TMC1: variants seen among roughly 807,000 people sequenced by gnomAD.
TMC1 encodes the protein transmembrane channel like 1, also known as transmembrane channel-like protein 1.
In TMC1, 84 loss-of-function variants were observed where a neutral mutation model predicts 105.8. The observed-to-expected ratio is 0.79, with a 90% confidence interval of 0.67 to 0.95. TMC1 has a LOEUF of 0.95. TMC1 is among the 40% of genes least tolerant of loss of function. TMC1 has a pLI of 0.00. For synonymous variants in TMC1, 315 were observed against 311.5 expected (o/e 1.01, Z -0.12); for missense variants, 817 against 914.1 (o/e 0.89, Z 1.37).
intron 9 of TMC1, chr9:72,741,696 CTAT>C (rs1293150134): frequency 6.5e-6 from 1 of 153,088 alleles, no homozygotes; most frequent in Non-Finnish European, 1.5e-5. Flanking sequence ...TTGTCTCATG[CTAT>C]TATTTAGACA....
At chr9:72,557,232 G>A (rs1342612260) in intron 1 of TMC1, among the ~76,000 whole-genome samples, 2 of 151,984 alleles carry the variant, frequency 1.3e-5, no homozygotes, top group African/African-American at 4.8e-5. Flanking sequence ...ATAGCCGGGC[G>A]TGGTGGCCCA....
intron 5 of TMC1, among the ~76,000 whole-genome samples, chr9:72,664,500 A>G (rs1029119864): frequency 1.3e-5 from 2 of 152,308 alleles, no homozygotes; most frequent in Admixed American, 1.3e-4. Flanking sequence ...TCCTGTATCC[A>G]TATAAACCCC....
At chr9:72,826,773 A>G (rs1207789366) in intron 20 of TMC1, 96 bp from the exon 21 acceptor site, 1 of 1,323,480 alleles carries the variant, frequency 7.6e-7, no homozygotes, top group Admixed American at 1.7e-5. Context: ...AGAGGACCTA[A>G]GCAGTAATTG....
At chr9:72,806,133 G>A (rs796997792) in intron 18 of TMC1, among the ~76,000 whole-genome samples, 76 of 151,256 alleles carry the variant, frequency 5.0e-4, no homozygotes, top group African/African-American at 1.5e-3. Context: ...GGGCAGAGGC[G>A]CCCCTCACCT....
intron 8 of TMC1, among the ~76,000 whole-genome samples, chr9:72,723,300 T>C (rs1564514476): frequency 6.6e-6 from 1 of 152,192 alleles, no homozygotes; most frequent in Non-Finnish European, 1.5e-5. Context: ...CATCTTCTCC[T>C]CTTCTGCTCA....
chr9:72,651,516 G>A (rs576232491), intron 5 of TMC1: 1 of 152,248 alleles, frequency 6.6e-6, no homozygotes, highest in African/African-American at 2.4e-5. Context: ...GCAAGTGGTT[G>A]GTTGGGGCTG....
At chr9:72,591,120 G>A (rs946682331) in intron 2 of TMC1, among the ~76,000 whole-genome samples, 3 of 152,154 alleles carry the variant, frequency 2.0e-5, no homozygotes, top group South Asian at 4.1e-4. Context: ...GGAGGGGTGC[G>A]TGGCTTTAAA....
chr9:72,733,982 A>T (rs764390552), intron 8 of TMC1, among the ~76,000 whole-genome samples: 3 of 152,148 alleles, frequency 2.0e-5, no homozygotes, highest in Non-Finnish European at 2.9e-5. Flanking sequence ...AAGTAGAATA[A>T]GGGTTACTGG....
At chr9:72,711,144 C>T (rs3003504) in intron 8 of TMC1, among the ~76,000 whole-genome samples, 34,651 of 152,108 alleles carry the variant, frequency 0.23, 4,275 homozygotes, top group East Asian at 0.38. Context: ...ATATGTGCCA[C>T]ATTTTCTTTA....
At chr9:72,556,991 C>T (rs1823952700) in intron 1 of TMC1, among the ~76,000 whole-genome samples, 1 of 152,166 alleles carries the variant, frequency 6.6e-6, no homozygotes. Context: ...TGCTGCTGAA[C>T]ATCCTGCAGT....
intron 1 of TMC1, among the ~76,000 whole-genome samples, chr9:72,548,447 G>T (rs536340251): frequency 6.6e-6 from 1 of 151,968 alleles, no homozygotes; most frequent in South Asian, 2.1e-4. Flanking sequence ...TCAGGCGCAC[G>T]CCTGTAATCC....
At chr9:72,795,874 A>G (rs1338772508) in intron 17 of TMC1, among the ~76,000 whole-genome samples, 1 of 151,888 alleles carries the variant, frequency 6.6e-6, no homozygotes, top group African/African-American at 2.4e-5. Context: ...AAAAAAAAGC[A>G]AGACCCAATG....
chr9:72,599,578 C>CT (rs1554714492), intron 2 of TMC1, among the ~76,000 whole-genome samples: 1 of 152,024 alleles, frequency 6.6e-6, no homozygotes, highest in Non-Finnish European at 1.5e-5. Context: ...CTCTATCTCC[C>CT]TTTTTTTGTT....
intron 10 of TMC1, among the ~76,000 whole-genome samples, chr9:72,747,648 G>A (rs1177508895): frequency 6.6e-6 from 1 of 152,148 alleles, no homozygotes; most frequent in Non-Finnish European, 1.5e-5. Flanking sequence ...AGGCTGGAGT[G>A]CAGTGGCGCA....
chr9:72,713,144 A>G (rs1826863820), intron 8 of TMC1, among the ~76,000 whole-genome samples: 1 of 152,214 alleles, frequency 6.6e-6, no homozygotes, highest in Non-Finnish European at 1.5e-5. Flanking sequence ...ATGTTGGATA[A>G]GCTTTTTGAT....
chr9:72,648,076 T>C (rs1352258784), intron 4 of TMC1, among the ~76,000 whole-genome samples: 6 of 152,206 alleles, frequency 3.9e-5, no homozygotes, highest in Non-Finnish European at 7.3e-5. Flanking sequence ...AAATAAATAC[T>C]ATGCCCCCAG....
At chr9:72,636,196 G>A (rs1301375588) in intron 4 of TMC1, among the ~76,000 whole-genome samples, 3 of 152,132 alleles carry the variant, frequency 2.0e-5, no homozygotes, top group South Asian at 2.1e-4. Context: ...TAAGTTAGAC[G>A]CATCTCTAAA....
intron 8 of TMC1, among the ~76,000 whole-genome samples, chr9:72,721,083 A>G (rs1042731898): frequency 3.3e-5 from 5 of 152,260 alleles, no homozygotes; most frequent in Non-Finnish European, 7.3e-5. Context: ...GAAAGAAACC[A>G]GAATATGCCA....
chr9:72,627,117 A>G (rs1384113125), intron 3 of TMC1, among the ~76,000 whole-genome samples: 3 of 151,112 alleles, frequency 2.0e-5, no homozygotes, highest in Admixed American at 1.3e-4. Flanking sequence ...ATAGTTCATC[A>G]TTTAAAATAG....
Sources: allele counts gnomAD v4.1 joint callset (sites outside exome capture counted in the v4.1 genomes callset), GRCh38; gene constraint gnomAD v4.1.1; transcripts MANE v1.5; gene names NCBI Gene and HGNC (gene_info 2026-07-23, HGNC 2026-07-21).